Variants in SERTM1 observed in about 807,000 individuals in gnomAD.
The protein encoded by SERTM1 is serine-rich and transmembrane domain-containing protein 1.
Under a neutral mutation model 5.5 loss-of-function variants are expected in SERTM1, and 1 was observed. The ratio of observed to expected loss-of-function variants is 0.18; its 90% confidence interval spans 0.06 to 0.86. The LOEUF (loss-of-function observed/expected upper bound fraction) is 0.86. SERTM1 is among the 40% of genes least tolerant of loss of function. The probability of loss-of-function intolerance (pLI) is 0.69; values close to 1 mark genes in which losing one functional copy is unlikely to be tolerated. For synonymous variants in SERTM1, 52 were observed against 55.1 expected, an observed-to-expected ratio of 0.94 and a Z score of 0.25; for missense variants, 91 against 122.4, an observed-to-expected ratio of 0.74 and a Z score of 1.21.
intron 1 of SERTM1, among the ~76,000 whole-genome samples, chr13:36,692,685 G>T (rs774364454): frequency 1.3e-5 from 2 of 152,194 alleles, no homozygotes; most frequent in Non-Finnish European, 2.9e-5. Flanking sequence ...GGAAAGGTAG[G>T]CATCACTGTT....
chr13:36,684,334 T>C (rs2056726622), intron 1 of SERTM1, among the ~76,000 whole-genome samples: 1 of 152,094 alleles, frequency 6.6e-6, no homozygotes, highest in African/African-American at 2.4e-5. Flanking sequence ...TCTCATTTGC[T>C]AAAAAAGATG....
intron 1 of SERTM1, among the ~76,000 whole-genome samples, chr13:36,693,821 ATT>A (rs1479579101): frequency 1.3e-5 from 2 of 152,234 alleles, no homozygotes; most frequent in Non-Finnish European, 2.9e-5. Flanking sequence ...GTACAGCAAA[ATT>A]ATCTAGAGCC....
intron 1 of SERTM1, among the ~76,000 whole-genome samples, chr13:36,693,990 C>T (rs2056796423): frequency 6.6e-6 from 1 of 152,110 alleles, no homozygotes; most frequent in African/African-American, 2.4e-5. Context: ...AAACACAATA[C>T]CCTACACCCA....
chr13:36,682,606 A>T (rs2056712105), intron 1 of SERTM1, among the ~76,000 whole-genome samples: 1 of 152,152 alleles, frequency 6.6e-6, no homozygotes, highest in Admixed American at 6.5e-5. Flanking sequence ...GAACATAAGT[A>T]TTTTTTTAAC....
intron 1 of SERTM1, among the ~76,000 whole-genome samples, chr13:36,693,074 A>T (rs1185408939): frequency 6.6e-6 from 1 of 152,236 alleles, no homozygotes; most frequent in Non-Finnish European, 1.5e-5. Flanking sequence ...ACCAGATGTT[A>T]TAGGGGGTGA....
chr13:36,676,052 T>C (rs186613592), intron 1 of SERTM1, among the ~76,000 whole-genome samples: 1 of 152,212 alleles, frequency 6.6e-6, no homozygotes, highest in African/African-American at 2.4e-5. Context: ...TTTTACTAGA[T>C]GTCTACGATT....
chr13:36,680,463 G>A (rs965217716), intron 1 of SERTM1, among the ~76,000 whole-genome samples: 1 of 152,164 alleles, frequency 6.6e-6, no homozygotes, highest in Non-Finnish European at 1.5e-5. Flanking sequence ...TAGCCACTCA[G>A]CTCAGCTCTG....
At chr13:36,684,294 CAA>C (rs200629092) in intron 1 of SERTM1, among the ~76,000 whole-genome samples, 1 of 146,454 alleles carries the variant, frequency 6.8e-6, no homozygotes, top group Non-Finnish European at 1.5e-5. Flanking sequence ...GAGACTCTGT[CAA>C]AAAAAAAAAT....
intron 1 of SERTM1, among the ~76,000 whole-genome samples, chr13:36,689,232 G>T (rs113261040): frequency 6.6e-6 from 1 of 152,142 alleles, no homozygotes; most frequent in South Asian, 2.1e-4. Flanking sequence ...ACATCCAGGC[G>T]TGGTGGCTCA....
At chr13:36,679,338 A>G (rs185273024) in intron 1 of SERTM1, among the ~76,000 whole-genome samples, 32 of 152,318 alleles carry the variant, frequency 2.1e-4, no homozygotes, top group African/African-American at 6.0e-4. Context: ...AACAGCTGAT[A>G]CAAGTATTCT....
chr13:36,676,806 AAAT>A (rs989344111), intron 1 of SERTM1, among the ~76,000 whole-genome samples: 1 of 152,200 alleles, frequency 6.6e-6, no homozygotes, highest in South Asian at 2.1e-4. Context: ...TGAGAGCTAA[AAAT>A]AATAATAATA....
intron 1 of SERTM1, among the ~76,000 whole-genome samples, chr13:36,686,052 G>A (rs968049892): frequency 1.2e-4 from 18 of 152,284 alleles, no homozygotes; most frequent in African/African-American, 3.4e-4. Context: ...CACATAACAG[G>A]ATTACTTGCT....
intron 1 of SERTM1, among the ~76,000 whole-genome samples, chr13:36,683,396 G>C (rs1249714190): frequency 1.3e-5 from 2 of 152,080 alleles, no homozygotes; most frequent in Non-Finnish European, 2.9e-5. Flanking sequence ...TTCATAATTT[G>C]ACTTATTTAT....
At chr13:36,683,342 G>T (rs1277365164) in intron 1 of SERTM1, among the ~76,000 whole-genome samples, 1 of 152,098 alleles carries the variant, frequency 6.6e-6, no homozygotes, top group Non-Finnish European at 1.5e-5. Flanking sequence ...TGCCAAAATA[G>T]AGTTTTAATA....
At chr13:36,682,379 T>C (rs2056710699) in intron 1 of SERTM1, among the ~76,000 whole-genome samples, 1 of 152,178 alleles carries the variant, frequency 6.6e-6, no homozygotes, top group Admixed American at 6.5e-5. Context: ...GTAAGTATAA[T>C]AAAATGTGAG....
At chr13:36,692,780 A>C (rs1406999829) in intron 1 of SERTM1, among the ~76,000 whole-genome samples, 2 of 152,220 alleles carry the variant, frequency 1.3e-5, no homozygotes, top group Non-Finnish European at 2.9e-5. Flanking sequence ...TATCCAAAGC[A>C]TAATTTTTCT....
Position 36,695,258 on chromosome 13 carries a change from C to A in SERTM1, c.180C>A (p.Ile60=), listed in dbSNP as rs200348232. The change falls in exon 2 of 2, where the codon ATC becomes ATA. Residue 60 remains isoleucine (I), a synonymous_variant. Coordinates refer to ENST00000315190, the MANE Select transcript of SERTM1 (RefSeq NM_203451.3). The part of the protein sequence containing the change: ...SLLAFLLLLL[I]IALQRLKNII... ...TAGCGTTTCTGCTTCTGCTTTTAATCATTGCCCTCCAGAGGCTCAAAAATA... is the reference window on the plus strand; with the variant it reads ...TAGCGTTTCTGCTTCTGCTTTTAATAATTGCCCTCCAGAGGCTCAAAAATA... 1.7e-5 allele frequency: 28 copies of A among 1,614,178 alleles called. No individual in the cohort carries two copies. The East Asian group carries it at 6.2e-4, about 36-fold the overall frequency.
At chr13:36,691,305 G>A (rs1380775679) in intron 1 of SERTM1, among the ~76,000 whole-genome samples, 1 of 152,110 alleles carries the variant, frequency 6.6e-6, no homozygotes. Context: ...TGGGAAGGAA[G>A]TTCTTTAAAA....
At chr13:36,679,989 G>T (rs1348665069) in intron 1 of SERTM1, among the ~76,000 whole-genome samples, 2 of 152,098 alleles carry the variant, frequency 1.3e-5, no homozygotes, top group African/African-American at 4.8e-5. Context: ...ATGTGTATAA[G>T]GTGTATATGA....
Sources: gnomAD v4.1 joint callset for allele counts (sites outside exome capture counted in the v4.1 genomes callset) on GRCh38, gnomAD v4.1.1 for gene constraint, MANE v1.5 for transcripts, NCBI Gene and HGNC (gene_info 2026-07-23, HGNC 2026-07-21) for gene names.